Variants in TOPBP1 observed in about 807,000 individuals in gnomAD.
TOPBP1 encodes the protein DNA topoisomerase 2-binding protein 1.
TOPBP1 carries 28 observed loss-of-function variants against 167.7 expected under a neutral mutation model. That is an observed-to-expected ratio of 0.17 (90% CI 0.12 to 0.23). The LOEUF is 0.23. TOPBP1 is among the 10% of genes least tolerant of loss of function. TOPBP1 has a pLI of 1.00. For synonymous variants in TOPBP1, 598 were observed against 611.4 expected, an observed-to-expected ratio of 0.98 and a Z score of 0.32; for missense variants, 1,554 against 1,809.6, an observed-to-expected ratio of 0.86 and a Z score of 2.56.
At chr3:133,623,919 T>C (rs1222524946) in intron 17 of TOPBP1, 133 bp downstream of exon 17, 8 of 1,109,946 alleles carry the variant, frequency 7.2e-6, no homozygotes, top group African/African-American at 1.6e-5. Flanking sequence ...ATCTGAAATG[T>C]GTACAGTTAA....
chr3:133,636,126 C>A (rs1041466694), intron 14 of TOPBP1, among the ~76,000 whole-genome samples: 2 of 152,024 alleles, frequency 1.3e-5, no homozygotes, highest in East Asian at 1.9e-4. Context: ...AGCGATGGAG[C>A]CACAAGGAAG....
chr3:133,611,245 A>G (rs1457928794), intron 24 of TOPBP1, 104 bp from the exon 25 acceptor site: 3 of 1,006,284 alleles, frequency 3.0e-6, no homozygotes, highest in Non-Finnish European at 4.1e-6. Context: ...TGTTAAAGCT[A>G]TACATTTAAT....
At chr3:133,601,636 A>C (rs781680322) in intron 27 of TOPBP1, among the ~76,000 whole-genome samples, 2 of 152,204 alleles carry the variant, frequency 1.3e-5, no homozygotes, top group Non-Finnish European at 2.9e-5. Context: ...CAGATCTTAC[A>C]AACATTTCAT....
intron 25 of TOPBP1, 91 bp downstream of exon 25, chr3:133,610,913 T>A (rs989778102): frequency 3.7e-6 from 5 of 1,351,444 alleles, no homozygotes; most frequent in Non-Finnish European, 3.9e-6. Context: ...AGAATCATTA[T>A]TTCCTGAAGC....
intron 23 of TOPBP1, among the ~76,000 whole-genome samples, chr3:133,614,411 C>A (rs1160805600): frequency 6.6e-6 from 1 of 152,134 alleles, no homozygotes; most frequent in African/African-American, 2.4e-5. Flanking sequence ...GCGACCCAGA[C>A]AACATAATAG....
intron 5 of TOPBP1, 108 bp from the exon 6 acceptor site, chr3:133,655,594 CT>C (rs1246840661): frequency 6.8e-5 from 41 of 603,884 alleles, no homozygotes; most frequent in East Asian, 1.0e-4. Context: ...GATTTATAAT[CT>C]TTTTTTTACA....
intron 8 of TOPBP1, among the ~76,000 whole-genome samples, chr3:133,652,145 A>T (rs1936329536): frequency 6.6e-6 from 1 of 152,156 alleles, no homozygotes; most frequent in Non-Finnish European, 1.5e-5. Flanking sequence ...AATTAAAAAA[A>T]AAAAATCCAA....
At chr3:133,654,245 C>G (rs1220947852) in intron 6 of TOPBP1, among the ~76,000 whole-genome samples, 2 of 152,180 alleles carry the variant, frequency 1.3e-5, no homozygotes, top group African/African-American at 4.8e-5. Context: ...TAAATCCCAA[C>G]TTTGAACAGA....
intron 10 of TOPBP1, among the ~76,000 whole-genome samples, chr3:133,647,089 C>T (rs1936100165): frequency 6.6e-6 from 1 of 152,036 alleles, no homozygotes; most frequent in African/African-American, 2.4e-5. Flanking sequence ...GAGAACAAGC[C>T]CAGAACCCAT....
intron 14 of TOPBP1, among the ~76,000 whole-genome samples, chr3:133,633,867 C>A (rs980818078): frequency 2.0e-5 from 3 of 152,188 alleles, no homozygotes; most frequent in Non-Finnish European, 4.4e-5. Flanking sequence ...TCTCACATGG[C>A]TTTACACATT....
intron 13 of TOPBP1, among the ~76,000 whole-genome samples, chr3:133,639,322 G>A (rs1471878055): frequency 6.6e-6 from 1 of 152,172 alleles, no homozygotes; most frequent in Non-Finnish European, 1.5e-5. Context: ...GGACATGGAT[G>A]AAGCTGGAAA....
In TOPBP1 at chr3:133,659,270, A is replaced by G. The variant is rs1936596355; in HGVS notation, c.85-120T>C. 4.0e-6 allele frequency: 4 copies of G among 1,009,230 alleles called. No homozygotes were observed. In the East Asian group the frequency reaches 1.1e-4, roughly 27 times the overall value. The allele number at this position is 1,009,230 out of a possible 1,614,324, so 62.5% of individuals were successfully genotyped here. A position where few individuals can be genotyped will look rare whatever the true frequency, so the allele number is the denominator to read the frequency against. On this transcript the variant is annotated intron_variant, in intron 2 of 27. Transcript: ENST00000260810. ...TGAAAGCCACCATCACATCTCACTT[A>G]GACCTCTGCAGAAGGCTCCCAAGTG...
intron 25 of TOPBP1, among the ~76,000 whole-genome samples, chr3:133,610,224 G>A (rs1934628051): frequency 6.6e-6 from 1 of 152,134 alleles, no homozygotes. Context: ...AAAACAGAAA[G>A]GACATGCTGA....
chr3:133,639,043 G>A (rs574181120), intron 13 of TOPBP1, among the ~76,000 whole-genome samples: 7 of 152,282 alleles, frequency 4.6e-5, no homozygotes, highest in African/African-American at 1.4e-4. Context: ...TGCTTCCCAA[G>A]ACAGTGTGGC....
chr3:133,659,245 T>C, intron 2 of TOPBP1, 95 bp from the exon 3 acceptor site: 1 of 1,277,564 alleles, frequency 7.8e-7, no homozygotes, highest in South Asian at 1.6e-5. Context: ...TTTTCCCTAT[T>C]GAAAGCCACC....
rs1935733543 is a variant in TOPBP1 at position 133,637,942 on chromosome 3, T to C, written c.2454A>G (p.Leu818=). The C allele has an allele frequency of 3.1e-6, 5 of 1,613,942 alleles. No homozygotes were observed. Among genetic ancestry groups the C allele is most frequent in the Non-Finnish European group, 3.4e-6 (4 of 1,179,864 alleles). ...VGQPLQKEPS[L]HLDTPSKFLS... ...GGAATTTTGATGGTGTATCCAGGTG[T>C]AACGAGGGCTCCTTCTGAAGTGGTT... Residue 818 remains leucine, a synonymous_variant, in exon 14 of 28, where the codon TTA becomes TTG. Transcript: ENST00000260810.
At chr3:133,619,631 T>TGG (rs1471770497) in intron 20 of TOPBP1, among the ~76,000 whole-genome samples, 1 of 152,196 alleles carries the variant, frequency 6.6e-6, no homozygotes, top group African/African-American at 2.4e-5. Flanking sequence ...AAAAAGACTC[T>TGG]GAAAAAATAT....
intron 6 of TOPBP1, among the ~76,000 whole-genome samples, chr3:133,653,925 C>G (rs912593807): frequency 1.4e-4 from 22 of 152,278 alleles, no homozygotes; most frequent in African/African-American, 4.6e-4. Flanking sequence ...AGCAACCGCG[C>G]CCGGCTATAA....
intron 27 of TOPBP1, among the ~76,000 whole-genome samples, chr3:133,602,981 C>T (rs778549450): frequency 5.3e-5 from 8 of 151,340 alleles, no homozygotes; most frequent in South Asian, 2.1e-4. Context: ...CTGCAGCCTC[C>T]GCCTCACAGG....
Sources: gnomAD v4.1 joint callset for allele counts (sites outside exome capture counted in the v4.1 genomes callset) on GRCh38, gnomAD v4.1.1 for gene constraint, MANE v1.5 for transcripts, NCBI Gene and HGNC (gene_info 2026-07-23, HGNC 2026-07-21) for gene names.